Variants in C16orf89 observed in about 807,000 individuals in gnomAD.
The protein encoded by C16orf89 is chromosome 16 open reading frame 89.
A neutral mutation model predicts 41.5 loss-of-function variants in C16orf89; 57 were observed. That is an observed-to-expected ratio of 1.38 (90% confidence interval 1.11 to 1.71). C16orf89 has a LOEUF of 1.71. C16orf89 is among the 40% of genes most tolerant of loss of function. The pLI, the probability that C16orf89 is intolerant of heterozygous loss-of-function variation, is 0.00. For synonymous variants in C16orf89, 223 were observed against 190.6 expected, an observed-to-expected ratio of 1.17 and a Z score of -1.40; for missense variants, 575 against 445.9, an observed-to-expected ratio of 1.29 and a Z score of -2.61.
chr16:5,058,795 A>T (rs945490768), intron 3 of C16orf89, among the ~76,000 whole-genome samples, 185 bp from the exon 4 acceptor site: 1 of 152,124 alleles, frequency 6.6e-6, no homozygotes, highest in African/African-American at 2.4e-5. Flanking sequence ...GCCCTAGCCC[A>T]GGAAAGATGA....
chr16:5,043,251 C>T (rs551395543), downstream of C16orf89: 2 of 153,870 alleles, frequency 1.3e-5, no homozygotes, highest in East Asian at 1.9e-4. Context: ...GGAGGTGTCT[C>T]GTTATGTTGC....
intron 6 of C16orf89, among the ~76,000 whole-genome samples, chr16:5,052,544 T>C (rs1956417019): frequency 1.3e-5 from 2 of 151,184 alleles, no homozygotes; most frequent in Admixed American, 1.3e-4. Context: ...TGAGCCGAGA[T>C]CGCACCACTG....
intron 5 of C16orf89, chr16:5,055,661 G>C: frequency 6.5e-7 from 1 of 1,528,374 alleles, no homozygotes; most frequent in Non-Finnish European, 8.8e-7. Flanking sequence ...CATCCATAAG[G>C]CTTTGTGGGT....
intron 7 of C16orf89, among the ~76,000 whole-genome samples, chr16:5,046,943 C>T (rs557787951): frequency 6.6e-6 from 1 of 152,326 alleles, no homozygotes; most frequent in African/African-American, 2.4e-5. Flanking sequence ...TCTGGGAGCA[C>T]TGGGCTGTGT....
At position 5,059,722 on chromosome 16, in the gene C16orf89, G is replaced by A. The variant is rs140092898; in HGVS notation, c.509+564C>T. ...GGCTCAGTCCTGTCTTCCTGGAGCTGCATCCTCACTGGGGATGGGGACAGG... is the reference window on the plus strand; with the variant it reads ...GGCTCAGTCCTGTCTTCCTGGAGCTACATCCTCACTGGGGATGGGGACAGG... On this transcript the variant is annotated intron_variant, in intron 3 of 7. Transcript: ENST00000472572. 1.4e-3 allele frequency among the ~76,000 whole-genome samples: 211 copies of A among 152,270 alleles called. 1 individual carries two copies. Among genetic ancestry groups the A allele is most frequent in the Middle Eastern group, 3.4e-3 (1 of 294 alleles).
downstream of C16orf89, chr16:5,043,997 A>AT (rs1428766761): frequency 1.9e-5 from 9 of 470,242 alleles, no homozygotes; most frequent in Non-Finnish European, 1.9e-5. Flanking sequence ...TCATCTATTA[A>AT]TTAAAAAAAA....
At chr16:5,058,209 C>A (rs1432393657) in intron 4 of C16orf89, among the ~76,000 whole-genome samples, 2 of 152,052 alleles carry the variant, frequency 1.3e-5, no homozygotes, top group African/African-American at 4.8e-5. Flanking sequence ...TCACTGCAAC[C>A]TCCGCCTCCC....
At chr16:5,064,362 A>G (rs1223719719) in intron 1 of C16orf89, among the ~76,000 whole-genome samples, 1 of 152,238 alleles carries the variant, frequency 6.6e-6, no homozygotes, top group African/African-American at 2.4e-5. Context: ...CTGCTAGTCA[A>G]GGATGCTCAA....
intron 5 of C16orf89, 113 bp downstream of exon 5, chr16:5,055,938 CGT>C (rs531301214): frequency 0.017 from 15,737 of 903,406 alleles, 134 homozygotes; most frequent in East Asian, 0.054. Context: ...CTGGCAACTC[CGT>C]GTGTGTGTGT....
In C16orf89 at chr16:5,044,408, T is replaced by G. The variant is rs1229803521; in HGVS notation, c.1026A>C (p.Glu342Asp). The G allele has an allele frequency of 6.2e-7, 1 of 1,612,774 alleles. No individual in the cohort carries two copies. The change falls in exon 8 of 8, where the codon GAA (glutamate) becomes GAC (aspartate). Residue 342 changes from glutamate to aspartate, a missense_variant. Coordinates refer to ENST00000472572, the MANE Select transcript of C16orf89 (RefSeq NM_001098514.3). ...GTGGCTCTCTGTTTGCTGGGGGGTA[T>G]TCTGCCAGGATGTATAGGAAGCCAC... ...ALGGFLYILAEYPPANREPHP... is the reference protein window; with the variant it reads ...ALGGFLYILADYPPANREPHP...
At chr16:5,052,212 T>G (rs1256643414) in intron 6 of C16orf89, among the ~76,000 whole-genome samples, 1 of 151,180 alleles carries the variant, frequency 6.6e-6, no homozygotes, top group Non-Finnish European at 1.5e-5. Flanking sequence ...TGAAAAACGC[T>G]CACTATCCCT....
At chr16:5,056,496 C>T (rs1348892767) in intron 4 of C16orf89, among the ~76,000 whole-genome samples, 1 of 152,120 alleles carries the variant, frequency 6.6e-6, no homozygotes, top group Non-Finnish European at 1.5e-5. Context: ...CAGAGGGGCT[C>T]TCGTAGGGGG....
At chr16:5,052,116 AAAAAG>A (rs1394864127) in intron 6 of C16orf89, among the ~76,000 whole-genome samples, 21 of 151,600 alleles carry the variant, frequency 1.4e-4, no homozygotes, top group East Asian at 9.7e-4. Context: ...AAAAAAAAAA[AAAAAG>A]AAGGAAAAAG....
chr16:5,062,724 T>C, intron 1 of C16orf89, 150 bp from the exon 2 acceptor site: 2 of 888,820 alleles, frequency 2.3e-6, no homozygotes, highest in South Asian at 1.9e-5. Flanking sequence ...TTTACTGAGC[T>C]GACTGGAAAT....
chr16:5,064,942 C>G (rs1363072720), intron 1 of C16orf89, among the ~76,000 whole-genome samples: 1 of 152,198 alleles, frequency 6.6e-6, no homozygotes, highest in Admixed American at 6.5e-5. Flanking sequence ...GTACCCCATG[C>G]AATGCACCTG....
At chr16:5,052,591 A>G (rs924252364) in intron 6 of C16orf89, among the ~76,000 whole-genome samples, 13 of 116,872 alleles carry the variant, frequency 1.1e-4, no homozygotes, top group African/African-American at 4.9e-4. Flanking sequence ...ACCCTGTCTA[A>G]AAAGAAAGAA....
Position 5,052,237 on chromosome 16 carries a change from C to T in C16orf89, c.868+3009G>A, listed in dbSNP as rs769585637. On this transcript the variant is annotated intron_variant, in intron 6 of 7. Coordinates refer to ENST00000472572, the MANE Select transcript of C16orf89 (RefSeq NM_001098514.3). ...TCACTATCCCTAATCATCAGAGAAA[C>T]GCAAATCAAACCACAATGAGATAGC... Among the ~76,000 whole-genome samples, 5 of 151,874 alleles carry T rather than the reference C, an allele frequency of 3.3e-5. 1 individual carries two copies. The highest frequency in any genetic ancestry group is 4.1e-4 in the South Asian group (2 of 4,820).
chr16:5,050,827 T>G (rs1292617378), intron 6 of C16orf89, among the ~76,000 whole-genome samples: 1 of 152,222 alleles, frequency 6.6e-6, no homozygotes, highest in Non-Finnish European at 1.5e-5. Context: ...TAATGAATGT[T>G]TTGCATTTTA....
intron 6 of C16orf89, among the ~76,000 whole-genome samples, chr16:5,053,084 A>T (rs983397764): frequency 1.3e-5 from 2 of 152,214 alleles, no homozygotes; most frequent in Non-Finnish European, 2.9e-5. Context: ...TTGATCTCAT[A>T]GAAGTGCAGT....
Sources: gnomAD v4.1 joint callset for allele counts (sites outside exome capture counted in the v4.1 genomes callset) on GRCh38, gnomAD v4.1.1 for gene constraint, MANE v1.5 for transcripts, NCBI Gene and HGNC (gene_info 2026-07-23, HGNC 2026-07-21) for gene names.